Variants in PTPA observed in about 807,000 individuals in gnomAD.
PTPA encodes protein phosphatase 2 phosphatase activator, also known as serine/threonine-protein phosphatase 2A activator.
A neutral mutation model predicts 43.6 loss-of-function variants in PTPA; 13 were observed. The observed-to-expected ratio is 0.30, with a 90% CI of 0.19 to 0.47. The LOEUF (loss-of-function observed/expected upper bound fraction) is 0.47, where lower values mean the gene tolerates loss of function less well. Among genes scored for constraint, PTPA ranks in the 20% least tolerant of loss-of-function variants. PTPA has a pLI of 0.99. For synonymous variants in PTPA, 172 were observed against 158.2 expected (o/e 1.09, Z -0.66); for missense variants, 329 against 411.9 (o/e 0.80, Z 1.74).
chr9:129,147,389 C>T lies in PTPA; in HGVS notation c.897C>T (p.Cys299=). ...GCTCACCTGCTCCTTCCTCACAGTG[C>T]CTGGAGAAGTTCCCTGTGATCCAGC... is the stretch of plus-strand genomic sequence containing the variant. The part of the protein sequence containing the change: ...QGLIRMYKAE[C]LEKFPVIQHF... The change falls in exon 10 of 10, where the codon TGC becomes TGT. Residue 299 remains cysteine (C), a splice_region_variant and synonymous_variant. Transcript: ENST00000393370. 1.2e-6 allele frequency: 2 copies of T among 1,613,864 alleles called. No individual in the cohort carries two copies. The highest frequency in any genetic ancestry group is 1.7e-6 in the Non-Finnish European group (2 of 1,179,838).
chr9:129,137,430 T>C (rs1052270007), intron 7 of PTPA, among the ~76,000 whole-genome samples, 162 bp from the exon 8 acceptor site: 5 of 152,250 alleles, frequency 3.3e-5, no homozygotes, highest in African/African-American at 1.2e-4. Context: ...CTTAGCACAT[T>C]AGAATACACA....
At chr9:129,147,143 T>A (rs941288701) in intron 9 of PTPA, among the ~76,000 whole-genome samples, 2 of 151,630 alleles carry the variant, frequency 1.3e-5, no homozygotes, top group Non-Finnish European at 2.9e-5. Flanking sequence ...CTGCCTCTCT[T>A]CTCGGTTTCT....
At chr9:129,114,446 T>C (rs1050455290) in intron 1 of PTPA, among the ~76,000 whole-genome samples, 9 of 152,322 alleles carry the variant, frequency 5.9e-5, no homozygotes, top group South Asian at 2.1e-4. Context: ...TCTTTTTTTT[T>C]CCCTGAGAAA....
In PTPA at chr9:129,122,955, CTCGGAGCTCTTTGGTAACCTG is replaced by C. The variant is rs1588495705; in HGVS notation, c.130-96_130-76del. The C allele has an allele frequency of 6.7e-6, 6 of 902,122 alleles. No individual in the cohort carries two copies. In the East Asian group the frequency reaches 1.5e-4, roughly 23 times the overall value. 55.9% of individuals were successfully genotyped at this position (902,122 alleles called of 1,614,324 possible). On this transcript the variant is annotated intron_variant, in intron 2 of 9. Transcript: ENST00000393370. ...AGTCAGGGTCAGGAGAAGTAGAAAGCTCGGAGCTCTTTGGTAACCTGGTGGAGCTCGGGGCAGGTGGGGCGG... is the reference window on the plus strand; with the variant it reads ...AGTCAGGGTCAGGAGAAGTAGAAAGCGTGGAGCTCGGGGCAGGTGGGGCGG...
rs1850248865 is a variant in PTPA, at chr9:129,134,858, A to T, written c.524A>T (p.Asp175Val). The change falls in exon 6 of 10, where the codon GAT (aspartate) becomes GTT (valine). Residue 175 changes from aspartate to valine, a missense_variant. Transcript: ENST00000393370. ...TGCAAGATTGGGGTGCTCCGGGTGG[A>T]TGACCAAATAGCTATTGTCTTCAAG... ...CLCKIGVLRV[D>V]DQIAIVFKVF... is the part of the protein sequence containing the mutation. 2 of 1,613,992 alleles carry T rather than the reference A, an allele frequency of 1.2e-6. No homozygotes were observed. The highest frequency in any genetic ancestry group is 1.7e-6 in the Non-Finnish European group (2 of 1,180,000).
chr9:129,112,095 C>A, intron 1 of PTPA: 1 of 162,112 alleles, frequency 6.2e-6, no homozygotes. Context: ...TTTCGGCCTC[C>A]GCGTCCTGCT....
chr9:129,135,347 C>A (rs1306849792), intron 6 of PTPA, among the ~76,000 whole-genome samples: 1 of 151,834 alleles, frequency 6.6e-6, no homozygotes, highest in Admixed American at 6.6e-5. Flanking sequence ...GAGCTGAGAT[C>A]GTGCCACTGT....
At chr9:129,131,376 C>G (rs1849956439) in intron 4 of PTPA, 146 bp from the exon 5 acceptor site, 1 of 655,736 alleles carries the variant, frequency 1.5e-6, no homozygotes, top group South Asian at 1.8e-5. Context: ...GCTGTCCCTC[C>G]CCTTCCTTCT....
upstream of PTPA, chr9:129,111,375 C>T (rs976997499): frequency 2.0e-5 from 24 of 1,225,914 alleles, no homozygotes; most frequent in Middle Eastern, 3.1e-4. Context: ...GCGTCCGCCG[C>T]GCGCCGGCCG....
chr9:129,125,713 G>T (rs1849531982), intron 3 of PTPA, among the ~76,000 whole-genome samples: 1 of 152,128 alleles, frequency 6.6e-6, no homozygotes, highest in African/African-American at 2.4e-5. Flanking sequence ...GCCCCCTGGG[G>T]AAAATTCACT....
At chr9:129,142,354 G>T (rs1850932914) in intron 8 of PTPA, 91 bp from the exon 9 acceptor site, 2 of 1,155,662 alleles carry the variant, frequency 1.7e-6, no homozygotes, top group Non-Finnish European at 1.2e-6. Context: ...GTGTGTGTGT[G>T]TGCATGCATG....
chr9:129,140,150 C>T (rs759859388), intron 8 of PTPA: 2 of 152,554 alleles, frequency 1.3e-5, no homozygotes, highest in South Asian at 2.1e-4. Context: ...AACGCAGCGT[C>T]TGTGAGTAAT....
intron 8 of PTPA, among the ~76,000 whole-genome samples, chr9:129,138,792 A>C (rs1850556842): frequency 2.0e-5 from 3 of 152,198 alleles, no homozygotes; most frequent in Admixed American, 1.3e-4. Context: ...GCTTCTGCCA[A>C]ACTCCAGAGG....
intron 9 of PTPA, among the ~76,000 whole-genome samples, chr9:129,145,660 G>T (rs1851245991): frequency 1.3e-5 from 2 of 152,168 alleles, no homozygotes; most frequent in South Asian, 4.1e-4. Flanking sequence ...GTCTAACTCT[G>T]CTCTGTCCCA....
At chr9:129,111,297 G>A (rs1479334871), upstream of PTPA, 3 of 1,136,420 alleles carry the variant, frequency 2.6e-6, no homozygotes, top group East Asian at 4.9e-5. Context: ...CGGTCCTAGC[G>A]CTTGGCGGCC....
At chr9:129,133,797 C>G (rs1850151735) in intron 5 of PTPA, among the ~76,000 whole-genome samples, 1 of 152,210 alleles carries the variant, frequency 6.6e-6, no homozygotes, top group African/African-American at 2.4e-5. Flanking sequence ...TACACGTTCT[C>G]CCTTGCTCTC....
upstream of PTPA, chr9:129,111,354 C>T (rs985459092): frequency 1.1e-5 from 13 of 1,202,458 alleles, no homozygotes; most frequent in South Asian, 3.3e-4. Context: ...ATGGCCGTCG[C>T]CCGGTTCCGC....
At chr9:129,139,411 G>C (rs1010606102) in intron 8 of PTPA, 3 of 152,286 alleles carry the variant, frequency 2.0e-5, no homozygotes, top group African/African-American at 7.2e-5. Flanking sequence ...GGCGTGCCTA[G>C]AGTTGTTGGC....
chr9:129,144,834 AC>A (rs1318519545), intron 9 of PTPA, among the ~76,000 whole-genome samples: 1 of 151,500 alleles, frequency 6.6e-6, no homozygotes, highest in Non-Finnish European at 1.5e-5. Context: ...GGAGTTCGAG[AC>A]CAACCTGGGC....
Sources: allele counts gnomAD v4.1 joint callset (sites outside exome capture counted in the v4.1 genomes callset), GRCh38; gene constraint gnomAD v4.1.1; transcripts MANE v1.5; gene names NCBI Gene and HGNC (gene_info 2026-07-23, HGNC 2026-07-21).